Variants in BMF observed in about 807,000 individuals in gnomAD.
BMF encodes the protein Bcl2 modifying factor, also known as bcl-2-modifying factor.
A neutral mutation model predicts 22.0 loss-of-function variants in BMF; 10 were observed. The ratio of observed to expected loss-of-function variants is 0.45; its 90% confidence interval spans 0.28 to 0.77. BMF has a LOEUF of 0.77. Among genes scored for constraint, BMF ranks in the 30% least tolerant of loss-of-function variants. The probability of loss-of-function intolerance (pLI) is 0.13; values close to 1 mark genes in which losing one functional copy is unlikely to be tolerated. For synonymous variants in BMF, 87 were observed against 88.1 expected, an observed-to-expected ratio of 0.99 and a Z score of 0.07; for missense variants, 206 against 226.8, an observed-to-expected ratio of 0.91 and a Z score of 0.59.
chr15:40,100,324 T>C (rs566973606), intron 4 of BMF, among the ~76,000 whole-genome samples: 39 of 152,286 alleles, frequency 2.6e-4, no homozygotes, highest in African/African-American at 9.1e-4. Flanking sequence ...GAAGTACATC[T>C]GCACCATGCT....
Position 40,091,739 on chromosome 15 carries a change from G to A in BMF, c.*48C>T. 2 of 1,375,952 alleles carry A rather than the reference G, an allele frequency of 1.5e-6. No homozygotes were observed. The highest frequency in any genetic ancestry group is 1.2e-5 in the South Asian group (1 of 80,974). 85.2% of individuals were successfully genotyped at this position (1,375,952 alleles called of 1,614,324 possible). A position where few individuals can be genotyped will look rare whatever the true frequency, so the allele number is the denominator to read the frequency against. ...GTCAGTCCTGCCCGATGTCCTTCCT[G>A]TTCCAGACGGTGTTCCTGGTGCCCC... On this transcript the variant is annotated 3_prime_UTR_variant, in exon 5 of 5. Coordinates refer to ENST00000354670, the MANE Select transcript of BMF (RefSeq NM_001003940.2).
At chr15:40,093,123 A>T (rs927813899) in intron 4 of BMF, among the ~76,000 whole-genome samples, 2 of 152,192 alleles carry the variant, frequency 1.3e-5, no homozygotes, top group African/African-American at 4.8e-5. Flanking sequence ...GGACTCCCAG[A>T]GCTTCCAGGT....
rs967608902 is a variant in BMF at position 40,090,201 on chromosome 15, C to T, written c.*1586G>A. On this transcript the variant is annotated 3_prime_UTR_variant, in exon 5 of 5. Transcript: ENST00000354670. ...GCTGCAGGTGCCCTTGTGCAGTGAA[C>T]AACCTGCACAACTGTACATCCAGAA... The T allele has an allele frequency of 7.2e-5, 11 of 152,748 alleles. No homozygotes were observed. The highest frequency in any genetic ancestry group is 6.8e-3 in the Middle Eastern group (2 of 294). The allele number at this position is 152,748 out of a possible 1,614,324, so 9.5% of individuals were successfully genotyped here.
At position 40,092,024 on chromosome 15, in the gene BMF, G is replaced by A. The variant is rs551936454; in HGVS notation, c.454-136C>T. 151 of 645,618 alleles carry A rather than the reference G, an allele frequency of 2.3e-4. No homozygotes were observed. Among genetic ancestry groups the A allele is most frequent in the African/African-American group, 2.2e-3 (118 of 54,616 alleles). 40.0% of individuals were successfully genotyped at this position (645,618 alleles called of 1,614,324 possible). On this transcript the variant is annotated intron_variant, in intron 4 of 4. Transcript: ENST00000354670. ...TAATCCTATCAGTACAGCTCACAGC[G>A]GGGAGGAGGGGGAGGTGAAAGAGAC...
At chr15:40,102,203 T>C (rs1025911012) in intron 4 of BMF, among the ~76,000 whole-genome samples, 1 of 151,826 alleles carries the variant, frequency 6.6e-6, no homozygotes, top group Non-Finnish European at 1.5e-5. Flanking sequence ...CCGAGGCAGG[T>C]GGATCATCTG....
intron 1 of BMF, 142 bp downstream of exon 1, chr15:40,108,631 C>T (rs2036635762): frequency 1.3e-5 from 2 of 152,554 alleles, no homozygotes; most frequent in Non-Finnish European, 2.9e-5. Flanking sequence ...CACCCCAGCG[C>T]CCCAGTTCTT....
chr15:40,093,513 C>T (rs984624303), intron 4 of BMF, among the ~76,000 whole-genome samples: 2 of 152,156 alleles, frequency 1.3e-5, no homozygotes, highest in African/African-American at 4.8e-5. Context: ...AGTAAAACAG[C>T]GTGAAAATGG....
chr15:40,099,552 G>C (rs371244707), intron 4 of BMF, among the ~76,000 whole-genome samples: 43 of 152,256 alleles, frequency 2.8e-4, no homozygotes, highest in African/African-American at 1.0e-3. Flanking sequence ...GCCGAGATGG[G>C]CGGATCGCCT....
chr15:40,094,382 T>G (rs529885803), intron 4 of BMF, among the ~76,000 whole-genome samples: 2 of 152,102 alleles, frequency 1.3e-5, no homozygotes, highest in Non-Finnish European at 2.9e-5. Context: ...GCAGGATACA[T>G]GGGCCGGCCC....
At position 40,090,555 on chromosome 15, in the gene BMF, G is replaced by A. The variant is rs1325302141; in HGVS notation, c.*1232C>T. 1 of 152,720 alleles carries A rather than the reference G, an allele frequency of 6.5e-6. No homozygotes were observed. The highest frequency in any genetic ancestry group is 2.4e-5 in the African/African-American group (1 of 41,464). The allele number at this position is 152,720 out of a possible 1,614,324, so 9.5% of individuals were successfully genotyped here. ...AGGGAGAGAAGGGAAGACGTGCACA[G>A]GCAGCTGTGATCCTGCTGGGTTCCA... is the stretch of plus-strand genomic sequence containing the variant. On this transcript the variant is annotated 3_prime_UTR_variant, in exon 5 of 5. Transcript: ENST00000354670.
chr15:40,098,945 A>C (rs1416107170), intron 4 of BMF, among the ~76,000 whole-genome samples: 1 of 152,212 alleles, frequency 6.6e-6, no homozygotes, highest in Non-Finnish European at 1.5e-5. Flanking sequence ...CGATATAAAC[A>C]GAGCCAGCCA....
chr15:40,092,752 T>C (rs917593354), intron 4 of BMF, among the ~76,000 whole-genome samples: 8 of 152,090 alleles, frequency 5.3e-5, no homozygotes, highest in African/African-American at 9.7e-5. Flanking sequence ...GCTGGTGCCC[T>C]GCCCACACAG....
intron 4 of BMF, among the ~76,000 whole-genome samples, chr15:40,098,727 G>C (rs1358134518): frequency 6.6e-6 from 1 of 151,726 alleles, no homozygotes; most frequent in Non-Finnish European, 1.5e-5. Context: ...TTCTTTCTTT[G>C]TGTCTCCCTT....
Position 40,089,980 on chromosome 15 carries a change from T to C in BMF, c.*1807A>G, listed in dbSNP as rs1482104768. 6.6e-6 allele frequency: 1 copy of C among 152,622 alleles called. No homozygotes were observed. The highest frequency in any genetic ancestry group is 1.9e-4 in the East Asian group (1 of 5,204). 9.5% of individuals were successfully genotyped at this position (152,622 alleles called of 1,614,324 possible). On this transcript the variant is annotated 3_prime_UTR_variant, in exon 5 of 5. Transcript: ENST00000354670. ...GAATTCTGACCAAGAAGAGGTAATA[T>C]CCAGAATATCTGAGCAGAACAAAAC... is the stretch of plus-strand genomic sequence containing the variant.
chr15:40,088,221 T>G lies in BMF; in HGVS notation c.*3566A>C, dbSNP rs1339583807. ...GCACAGAGAGAGGGGGCAGTGGGGC[T>G]CTGAGCACCTTTAGCTGGGAGGCTG... On this transcript the variant is annotated 3_prime_UTR_variant, in exon 5 of 5. Coordinates refer to ENST00000354670, the MANE Select transcript of BMF (RefSeq NM_001003940.2). 2 of 152,644 alleles carry G rather than the reference T, an allele frequency of 1.3e-5. No individual in the cohort carries two copies. Among genetic ancestry groups the G allele is most frequent in the Non-Finnish European group, 2.9e-5 (2 of 68,158 alleles). The allele number at this position is 152,644 out of a possible 1,614,324, so 9.5% of individuals were successfully genotyped here. A position where few individuals can be genotyped will look rare whatever the true frequency, so the allele number is the denominator to read the frequency against.
intron 4 of BMF, among the ~76,000 whole-genome samples, chr15:40,102,086 T>A (rs2036487745): frequency 6.6e-6 from 1 of 152,030 alleles, no homozygotes. Context: ...AACTAACCTG[T>A]GCATGCAAAG....
chr15:40,102,486 G>A (rs1276455260), intron 4 of BMF, among the ~76,000 whole-genome samples: 1 of 151,564 alleles, frequency 6.6e-6, no homozygotes, highest in Non-Finnish European at 1.5e-5. Flanking sequence ...TCCTGTTCAG[G>A]ACCAAGTTAG....
At position 40,091,863 on chromosome 15, in the gene BMF, C is replaced by A; in HGVS notation, c.479G>T (p.Trp160Leu). ...GTGCAGGAAGAGGAGGATCTGCCAC[C>A]ACACACGATTTTGGTTCTGCTGGTG... ...QQHQQNQNRV[W>L]WQILLFLHNL... The change falls in exon 5 of 5, where the codon TGG becomes TTG. Residue 160 changes from tryptophan (W) to leucine (L), a missense_variant. Trp to Leu is a moderately conservative substitution (Grantham distance 61). Coordinates refer to ENST00000354670, the MANE Select transcript of BMF (RefSeq NM_001003940.2). 4 of 1,610,278 alleles carry A rather than the reference C, an allele frequency of 2.5e-6. No individual in the cohort carries two copies. The highest frequency in any genetic ancestry group is 3.4e-6 in the Non-Finnish European group (4 of 1,178,512).
At chr15:40,098,986 G>T (rs148867107) in intron 4 of BMF, among the ~76,000 whole-genome samples, 1 of 152,328 alleles carries the variant, frequency 6.6e-6, no homozygotes, top group East Asian at 1.9e-4. Context: ...CAGCCCCGGC[G>T]CTGGCTCTCA....
Sources: gnomAD v4.1 joint callset for allele counts (sites outside exome capture counted in the v4.1 genomes callset) on GRCh38, gnomAD v4.1.1 for gene constraint, MANE v1.5 for transcripts, NCBI Gene and HGNC (gene_info 2026-07-23, HGNC 2026-07-21) for gene names.